Variants in MAGI1 observed in about 807,000 individuals in gnomAD.
The protein encoded by MAGI1 is membrane associated guanylate kinase, WW and PDZ domain containing 1.
In MAGI1, 58 loss-of-function variants were observed where a neutral mutation model predicts 139.9. The ratio of observed to expected loss-of-function variants is 0.41; its 90% CI spans 0.34 to 0.52. The LOEUF (loss-of-function observed/expected upper bound fraction) is 0.52. Ranked by LOEUF, MAGI1 falls within the 20% of genes least tolerant of loss-of-function variation. The pLI is 0.12. For synonymous variants in MAGI1, 812 were observed against 737.9 expected (o/e 1.10, Z -1.63); for missense variants, 1,874 against 1,901.6 (o/e 0.99, Z 0.27).
At chr3:65,811,432 T>C (rs935610057) in intron 1 of MAGI1, among the ~76,000 whole-genome samples, 1 of 152,138 alleles carries the variant, frequency 6.6e-6, no homozygotes, top group Admixed American at 6.5e-5. Context: ...CAGATCTCCA[T>C]GGGGAGCCCC....
intron 2 of MAGI1, among the ~76,000 whole-genome samples, chr3:65,495,175 A>G (rs1952334387): frequency 1.3e-5 from 2 of 152,144 alleles, no homozygotes; most frequent in African/African-American, 4.8e-5. Context: ...TGGGAATCCT[A>G]GGTTCATGGT....
At chr3:65,924,329 G>A (rs2108752362) in intron 1 of MAGI1, among the ~76,000 whole-genome samples, 2 of 152,288 alleles carry the variant, frequency 1.3e-5, no homozygotes, top group Middle Eastern at 6.8e-3. Flanking sequence ...CCCGAATTAA[G>A]AAAGGTCGGT....
At chr3:65,807,732 C>T (rs943670296) in intron 1 of MAGI1, among the ~76,000 whole-genome samples, 8 of 152,182 alleles carry the variant, frequency 5.3e-5, no homozygotes, top group East Asian at 3.9e-4. Flanking sequence ...TGAAGTAGGC[C>T]GCCACCAGAC....
At chr3:65,499,467 G>A (rs926488069) in intron 2 of MAGI1, among the ~76,000 whole-genome samples, 27 of 152,262 alleles carry the variant, frequency 1.8e-4, no homozygotes, top group African/African-American at 6.5e-4. Context: ...GGCTAACACG[G>A]TGAAACCCCA....
chr3:66,009,489 G>T (rs774592087), intron 1 of MAGI1, among the ~76,000 whole-genome samples: 1 of 152,040 alleles, frequency 6.6e-6, no homozygotes, highest in East Asian at 1.9e-4. Context: ...CAGCCTGGGC[G>T]ACAAGAGTAA....
intron 1 of MAGI1, among the ~76,000 whole-genome samples, chr3:65,624,544 T>C (rs1331884332): frequency 1.3e-5 from 2 of 152,226 alleles, no homozygotes; most frequent in Non-Finnish European, 2.9e-5. Flanking sequence ...CATGATTTCA[T>C]TCATATAGAA....
At chr3:65,914,918 C>T (rs2061830137) in intron 1 of MAGI1, among the ~76,000 whole-genome samples, 1 of 152,138 alleles carries the variant, frequency 6.6e-6, no homozygotes, top group African/African-American at 2.4e-5. Flanking sequence ...AATAGCACCC[C>T]CTTGGGATAG....
chr3:65,671,281 C>T (rs1363804474), intron 1 of MAGI1, among the ~76,000 whole-genome samples: 1 of 152,170 alleles, frequency 6.6e-6, no homozygotes, highest in African/African-American at 2.4e-5. Context: ...AATCTTGGCA[C>T]TACTGGCATT....
At chr3:66,032,733 T>A (rs1345305943) in intron 1 of MAGI1, among the ~76,000 whole-genome samples, 1 of 150,546 alleles carries the variant, frequency 6.6e-6, no homozygotes, top group Non-Finnish European at 1.5e-5. Context: ...CTGGGCAACA[T>A]GGCGAAACCC....
rs538505147 is a variant in MAGI1 at position 65,631,178 on chromosome 3, C to G, written c.314-9090G>C. The stretch of plus-strand genomic sequence containing the variant: ...GGCAGAGAAGAGATGTAATTTAAAA[C>G]TAGAACTGATACAGTTTGGTGACAT... On this transcript the variant is annotated intron_variant, in intron 1 of 22. Transcript: ENST00000402939. Among the ~76,000 whole-genome samples, 144 of 152,298 alleles carry G rather than the reference C, an allele frequency of 9.5e-4. 2 individuals carry two copies. The South Asian group carries it at 0.029, about 31-fold the overall frequency.
At chr3:65,770,061 T>A (rs1300617544) in intron 1 of MAGI1, among the ~76,000 whole-genome samples, 1 of 152,192 alleles carries the variant, frequency 6.6e-6, no homozygotes, top group Non-Finnish European at 1.5e-5. Flanking sequence ...ACTGCTCTCA[T>A]GAACCTTATT....
Position 65,369,721 on chromosome 3 carries a change from C to G in MAGI1, c.3197-4775G>C, listed in dbSNP as rs550897917. Among the ~76,000 whole-genome samples, 462 of 152,104 alleles carry G rather than the reference C, an allele frequency of 3.0e-3. 5 individuals are homozygous for G. Among genetic ancestry groups the G allele is most frequent in the African/African-American group, 0.011 (437 of 41,504 alleles). On this transcript the variant is annotated intron_variant, in intron 18 of 22. Coordinates refer to ENST00000402939, the MANE Select transcript of MAGI1 (RefSeq NM_001033057.2). ...ACAGCGTTTCGCCATGTTGCCTGGG[C>G]TGGTCTTGAACTCCTGAGCTCAGGC...
chr3:65,724,442 G>A (rs2033387631), intron 1 of MAGI1, among the ~76,000 whole-genome samples: 1 of 152,202 alleles, frequency 6.6e-6, no homozygotes, highest in East Asian at 1.9e-4. Flanking sequence ...AAAGTCTTTG[G>A]GTAGGAAATT....
intron 1 of MAGI1, among the ~76,000 whole-genome samples, chr3:65,981,134 A>C (rs914038162): frequency 6.9e-6 from 1 of 144,764 alleles, no homozygotes; most frequent in Non-Finnish European, 1.5e-5. Flanking sequence ...CCTGGGTGAC[A>C]GAGTGAGACT....
At position 65,846,905 on chromosome 3, in the gene MAGI1, T is replaced by C. The variant is rs2108368303; in HGVS notation, c.313+191091A>G. 1.5e-5 allele frequency among the ~76,000 whole-genome samples: 2 copies of C among 135,568 alleles called. 1 individual carries two copies. The highest frequency in any genetic ancestry group is 4.7e-4 in the South Asian group (2 of 4,272). 88.9% of individuals were successfully genotyped at this position (135,568 alleles called of 152,430 possible). ...TATCTGGTGCTTTCATCCTCTGGGG[T>C]CCTACTCCCCCAAACAAAGGAAAGA... On this transcript the variant is annotated intron_variant, in intron 1 of 22. Transcript: ENST00000402939.
rs115807864 is a variant in MAGI1, at chr3:65,652,031, T to C, written c.314-29943A>G. ...GCTAAGTTGGATGAACAAAACAATA[T>C]CTACTTCCAAACTTCAACAATTATT... On this transcript the variant is annotated intron_variant, in intron 1 of 22. Transcript: ENST00000402939. Among the ~76,000 whole-genome samples the C allele has an allele frequency of 3.3e-3, 501 of 152,292 alleles. 6 individuals carry two copies. Among genetic ancestry groups the C allele is most frequent in the African/African-American group, 0.012 (481 of 41,562 alleles).
intron 2 of MAGI1, among the ~76,000 whole-genome samples, chr3:65,547,460 T>C (rs927776113): frequency 6.6e-6 from 1 of 152,232 alleles, no homozygotes; most frequent in African/African-American, 2.4e-5. Context: ...TTATGATTTT[T>C]ATAAATGTGG....
intron 1 of MAGI1, among the ~76,000 whole-genome samples, chr3:65,823,161 A>G (rs1411374097): frequency 6.6e-6 from 1 of 152,088 alleles, no homozygotes. Flanking sequence ...ATTGAAATAT[A>G]TATCATATAA....
At chr3:65,506,659 A>G (rs901795386) in intron 2 of MAGI1, among the ~76,000 whole-genome samples, 1 of 152,228 alleles carries the variant, frequency 6.6e-6, no homozygotes. Context: ...GCACGGATCC[A>G]TAAGAAAATG....
Sources: allele counts gnomAD v4.1 joint callset (sites outside exome capture counted in the v4.1 genomes callset), GRCh38; gene constraint gnomAD v4.1.1; transcripts MANE v1.5; gene names NCBI Gene and HGNC (gene_info 2026-07-23, HGNC 2026-07-21).